The following OR2L13 variants were observed in gnomAD, a reference collection of about 807,000 sequenced individuals.
OR2L13 encodes olfactory receptor 2L13.
In OR2L13, 14 loss-of-function variants were observed where a neutral mutation model predicts 15.3. The observed-to-expected ratio is 0.91, with a 90% CI of 0.60 to 1.43. The LOEUF (loss-of-function observed/expected upper bound fraction) is 1.43, where lower values mean the gene tolerates loss of function less well. Among genes scored for constraint, OR2L13 ranks in the 40% most tolerant of loss-of-function variants. OR2L13 has a pLI of 0.00. For missense variants in OR2L13, 367 were observed against 387.9 expected, an observed-to-expected ratio of 0.95 and a Z score of 0.45; for synonymous variants, 152 against 142.9, an observed-to-expected ratio of 1.06 and a Z score of -0.45.
chr1:248,025,452 A>G, the OR2L13 span, among the ~76,000 whole-genome samples: 1,719 of 142,398 alleles, frequency 0.012, 35 homozygotes, highest in African/African-American at 0.049. Context: ...GAAAACAACA[A>G]GTGCTGGAGA....
the OR2L13 span, among the ~76,000 whole-genome samples, chr1:247,999,566 T>C: frequency 6.6e-6 from 1 of 152,202 alleles, no homozygotes; most frequent in Non-Finnish European, 1.5e-5. Flanking sequence ...CTATGTCAGT[T>C]ACCTACAACA....
chr1:247,987,530 C>T, the OR2L13 span, among the ~76,000 whole-genome samples: 80 of 152,192 alleles, frequency 5.3e-4, 3 homozygotes, highest in South Asian at 0.015. Context: ...TTTTACATCA[C>T]TTTAATGTTT....
At chr1:248,067,809 G>A in the OR2L13 span, among the ~76,000 whole-genome samples, 19 of 152,314 alleles carry the variant, frequency 1.2e-4, no homozygotes, top group Middle Eastern at 6.8e-3. Context: ...GCGCTTTTCC[G>A]ACGGGCTTAA....
At chr1:247,995,261 C>G in the OR2L13 span, among the ~76,000 whole-genome samples, 5 of 152,176 alleles carry the variant, frequency 3.3e-5, no homozygotes, top group Non-Finnish European at 5.9e-5. Context: ...CTTTCCCTTC[C>G]ACTCTCATAG....
At chr1:247,952,865 T>G in the OR2L13 span, among the ~76,000 whole-genome samples, 416 of 152,244 alleles carry the variant, frequency 2.7e-3, 4 homozygotes, top group African/African-American at 9.0e-3. Flanking sequence ...GGGAAATCAT[T>G]CCATCTCTCT....
the OR2L13 span, among the ~76,000 whole-genome samples, chr1:248,053,090 C>A: frequency 2.0e-5 from 3 of 152,076 alleles, no homozygotes; most frequent in Non-Finnish European, 4.4e-5. Flanking sequence ...GCTCTTTTCC[C>A]TAATGCTCTC....
At chr1:247,969,343 G>T in the OR2L13 span, among the ~76,000 whole-genome samples, 1 of 152,116 alleles carries the variant, frequency 6.6e-6, no homozygotes. Context: ...AAGCTCTTTA[G>T]TTTAATTAGA....
chr1:248,090,373 T>C (rs556885339), upstream of OR2L13, among the ~76,000 whole-genome samples: 115 of 148,502 alleles, frequency 7.7e-4, no homozygotes, highest in South Asian at 0.013. Context: ...AGAGGTTTCA[T>C]GTACAGATTA....
At chr1:248,088,697 T>G in the OR2L13 span, among the ~76,000 whole-genome samples, 1 of 152,154 alleles carries the variant, frequency 6.6e-6, no homozygotes, top group Non-Finnish European at 1.5e-5. Flanking sequence ...TTTCGGTGTT[T>G]AATAGTCCTG....
At chr1:247,966,837 A>C in the OR2L13 span, among the ~76,000 whole-genome samples, 1 of 152,152 alleles carries the variant, frequency 6.6e-6, no homozygotes, top group African/African-American at 2.4e-5. Context: ...GAAATTTATT[A>C]ATATTGAATA....
chr1:247,963,687 G>C, the OR2L13 span, among the ~76,000 whole-genome samples: 1 of 152,076 alleles, frequency 6.6e-6, no homozygotes, highest in Non-Finnish European at 1.5e-5. Flanking sequence ...CATAAAATTA[G>C]AAAAACATTT....
At chr1:247,990,452 T>G in the OR2L13 span, 1 of 1,581,652 alleles carries the variant, frequency 6.3e-7, no homozygotes, top group African/African-American at 1.3e-5. Flanking sequence ...ATTTCCTACT[T>G]AGTCAGCTCT....
chr1:247,992,679 T>C, the OR2L13 span, among the ~76,000 whole-genome samples: 1 of 152,186 alleles, frequency 6.6e-6, no homozygotes. Flanking sequence ...CCCAGCTCTA[T>C]CCATTATCAC....
the OR2L13 span, among the ~76,000 whole-genome samples, chr1:247,957,646 C>G: frequency 5.3e-5 from 8 of 152,094 alleles, no homozygotes; most frequent in African/African-American, 1.9e-4. Context: ...TTCAGAGATT[C>G]AATTTCTTCC....
chr1:247,955,472 G>A, the OR2L13 span, among the ~76,000 whole-genome samples: 1 of 151,828 alleles, frequency 6.6e-6, no homozygotes, highest in Non-Finnish European at 1.5e-5. Context: ...CCAGTAATGC[G>A]ATGGCTGGGT....
At chr1:248,052,069 A>G in the OR2L13 span, among the ~76,000 whole-genome samples, 2 of 152,174 alleles carry the variant, frequency 1.3e-5, no homozygotes, top group African/African-American at 4.8e-5. Context: ...GTAAAGGTGA[A>G]ACTCCACTGC....
the OR2L13 span, chr1:248,023,124 T>C: frequency 2.8e-6 from 1 of 355,940 alleles, no homozygotes; most frequent in African/African-American, 2.1e-5. Flanking sequence ...TGTAAGGCCA[T>C]AGAATTTCAT....
chr1:247,949,457 G>C, the OR2L13 span: 155 of 1,596,390 alleles, frequency 9.7e-5, no homozygotes, highest in Non-Finnish European at 1.3e-4. Flanking sequence ...CAGTGTTTTT[G>C]AGTGCCACCA....
the OR2L13 span, among the ~76,000 whole-genome samples, chr1:248,011,818 T>C: frequency 6.6e-6 from 1 of 152,164 alleles, no homozygotes; most frequent in African/African-American, 2.4e-5. Flanking sequence ...TGGGTGGGCC[T>C]GTATCAATCC....
Sources: allele counts gnomAD v4.1 joint callset (sites outside exome capture counted in the v4.1 genomes callset), GRCh38; gene constraint gnomAD v4.1.1; transcripts MANE v1.5; gene names NCBI Gene and HGNC (gene_info 2026-07-23, HGNC 2026-07-21).